The following ARFGEF1 variants were observed in gnomAD, a reference collection of about 807,000 sequenced individuals.
ARFGEF1 encodes the protein ARF guanine nucleotide exchange factor 1, also known as brefeldin A-inhibited guanine nucleotide-exchange protein 1.
Under a neutral mutation model 231.0 loss-of-function variants are expected in ARFGEF1, and 42 were observed. That is an observed-to-expected ratio of 0.18 (90% CI 0.14 to 0.24). The LOEUF (loss-of-function observed/expected upper bound fraction) is 0.24, where lower values mean the gene tolerates loss of function less well. Among genes scored for constraint, ARFGEF1 ranks in the 10% least tolerant of loss-of-function variants. The probability of loss-of-function intolerance (pLI) is 1.00; values close to 1 mark genes in which losing one functional copy is unlikely to be tolerated. For missense variants in ARFGEF1, 1,345 were observed against 2,192.0 expected, an observed-to-expected ratio of 0.61 and a Z score of 7.72; for synonymous variants, 710 against 732.3, an observed-to-expected ratio of 0.97 and a Z score of 0.49.
At chr8:67,214,209 ATATGAATGT>A in intron 33 of ARFGEF1, among the ~76,000 whole-genome samples, 1 of 152,346 alleles carries the variant, frequency 6.6e-6, no homozygotes, top group East Asian at 1.9e-4. Flanking sequence ...ATTGGTACAA[ATATGAATGT>A]TAAAAGGTGC....
chr8:67,288,488 C>A (rs1283452633), intron 6 of ARFGEF1, among the ~76,000 whole-genome samples: 1 of 152,090 alleles, frequency 6.6e-6, no homozygotes, highest in Admixed American at 6.5e-5. Context: ...ATTTCAGCAA[C>A]TTGGGAGGCC....
chr8:67,243,998 G>C (rs968604563), intron 19 of ARFGEF1, among the ~76,000 whole-genome samples: 8 of 151,726 alleles, frequency 5.3e-5, no homozygotes, highest in African/African-American at 1.9e-4. Flanking sequence ...CCAGCACTTT[G>C]GGAGGCCGAG....
In ARFGEF1 at chr8:67,343,661, G is replaced by A. The variant is rs1331619642; in HGVS notation, c.-374C>T. Reference sequence around the variant, plus strand: ...GGAACTGAGGGACGAGGTGGCGGCGGCTCTCAGAGGCACCGCGAGAGAAGG... The same window carrying A: ...GGAACTGAGGGACGAGGTGGCGGCGACTCTCAGAGGCACCGCGAGAGAAGG... On this transcript the variant is annotated 5_prime_UTR_variant, in exon 1 of 39. Coordinates refer to ENST00000262215, the MANE Select transcript of ARFGEF1 (RefSeq NM_006421.5). 7.2e-6 allele frequency: 7 copies of A among 975,656 alleles called. No individual in the cohort carries two copies. In the African/African-American group the frequency reaches 1.2e-4, roughly 17 times the overall value. 60.4% of individuals were successfully genotyped at this position (975,656 alleles called of 1,614,324 possible). A position where few individuals can be genotyped will look rare whatever the true frequency, so the allele number is the denominator to read the frequency against.
At chr8:67,321,399 C>T (rs1353669832) in intron 1 of ARFGEF1, among the ~76,000 whole-genome samples, 1 of 152,218 alleles carries the variant, frequency 6.6e-6, no homozygotes, top group Non-Finnish European at 1.5e-5. Context: ...TTTTAAGAAG[C>T]TCCACGGGTG....
At chr8:67,273,053 G>A (rs760339782) in intron 9 of ARFGEF1, among the ~76,000 whole-genome samples, 2 of 152,064 alleles carry the variant, frequency 1.3e-5, no homozygotes, top group African/African-American at 4.8e-5. Flanking sequence ...GTTGCAGTGA[G>A]CTGAGATTGC....
At chr8:67,210,432 T>C (rs995404682) in intron 34 of ARFGEF1, among the ~76,000 whole-genome samples, 1 of 145,972 alleles carries the variant, frequency 6.9e-6, no homozygotes, top group African/African-American at 2.5e-5. Context: ...TGAGCCGAGA[T>C]CACACTCCAG....
At chr8:67,306,179 G>A (rs1806735927) in intron 1 of ARFGEF1, among the ~76,000 whole-genome samples, 1 of 152,172 alleles carries the variant, frequency 6.6e-6, no homozygotes, top group Non-Finnish European at 1.5e-5. Flanking sequence ...TAAAATAAGA[G>A]TGACTTGAAC....
At chr8:67,263,296 C>A (rs1050593193) in intron 14 of ARFGEF1, among the ~76,000 whole-genome samples, 1 of 152,072 alleles carries the variant, frequency 6.6e-6, no homozygotes, top group Non-Finnish European at 1.5e-5. Flanking sequence ...GTCATTTGGG[C>A]TATTGCAAGA....
intron 23 of ARFGEF1, among the ~76,000 whole-genome samples, chr8:67,229,806 T>C (rs557767876): frequency 2.0e-5 from 3 of 151,672 alleles, no homozygotes; most frequent in Admixed American, 6.6e-5. Flanking sequence ...GTAAATAGTA[T>C]AGGAGAACAA....
chr8:67,302,360 C>A, intron 2 of ARFGEF1, 76 bp downstream of exon 2: 1 of 1,171,176 alleles, frequency 8.5e-7, no homozygotes, highest in Non-Finnish European at 1.2e-6. Context: ...CACTAAAATA[C>A]AGATGACTAT....
rs187351003 is a variant in ARFGEF1, at chr8:67,325,521, G to A, written c.124+17643C>T. ...TCCCAGTCCTACCATGTCCCATAAT[G>A]CCCCATGTTCCAAAATTAATCCATT... is the stretch of plus-strand genomic sequence containing the variant. On this transcript the variant is annotated intron_variant, in intron 1 of 38. Coordinates refer to ENST00000262215, the MANE Select transcript of ARFGEF1 (RefSeq NM_006421.5). Among the ~76,000 whole-genome samples, 592 of 152,044 alleles carry A rather than the reference G, an allele frequency of 3.9e-3. 7 individuals carry two copies. The highest frequency in any genetic ancestry group is 0.039 in the South Asian group (187 of 4,814).
At chr8:67,210,821 G>A (rs1211447266) in intron 34 of ARFGEF1, among the ~76,000 whole-genome samples, 1 of 152,120 alleles carries the variant, frequency 6.6e-6, no homozygotes, top group African/African-American at 2.4e-5. Flanking sequence ...TTGGGAGGCT[G>A]AGGCGGGCGG....
chr8:67,252,979 C>A (rs1840344733), intron 18 of ARFGEF1, among the ~76,000 whole-genome samples: 1 of 151,336 alleles, frequency 6.6e-6, no homozygotes, highest in Non-Finnish European at 1.5e-5. Flanking sequence ...TTGGGTCTAA[C>A]TACTCTTTAT....
At chr8:67,238,922 C>G in intron 20 of ARFGEF1, 29 bp from the exon 21 acceptor site, 1 of 1,599,124 alleles carries the variant, frequency 6.3e-7, no homozygotes, top group Non-Finnish European at 8.6e-7. Flanking sequence ...TATGTTTACA[C>G]AGTTCTAAAT....
At chr8:67,339,803 G>GGGGGGGGGGGGGGGGGGGGGGGTT (rs1808532411) in intron 1 of ARFGEF1, among the ~76,000 whole-genome samples, 1 of 65,906 alleles carries the variant, frequency 1.5e-5, no homozygotes, top group Non-Finnish European at 3.2e-5. Flanking sequence ...GGCGGGGGGG[G>GGGGGGGGGGGGGGGGGGGGGGGTT]GGATTCTTTC....
At chr8:67,279,792 AG>A (rs1487396840) in intron 7 of ARFGEF1, among the ~76,000 whole-genome samples, 1 of 152,204 alleles carries the variant, frequency 6.6e-6, no homozygotes, top group African/African-American at 2.4e-5. Context: ...CCAGTGTTTG[AG>A]GGAAGAGTAA....
At chr8:67,251,517 C>A in intron 18 of ARFGEF1, 67 bp from the exon 19 acceptor site, 2 of 1,373,336 alleles carry the variant, frequency 1.5e-6, no homozygotes, top group Non-Finnish European at 1.9e-6. Context: ...TGATATTTTA[C>A]TATCAAATAA....
At chr8:67,221,550 C>T (rs1007090688) in intron 29 of ARFGEF1, among the ~76,000 whole-genome samples, 18 of 152,016 alleles carry the variant, frequency 1.2e-4, no homozygotes, top group Non-Finnish European at 5.9e-5. Context: ...TATAGCTGTA[C>T]AATGTGTTTT....
chr8:67,312,343 T>C (rs1208504114), intron 1 of ARFGEF1, among the ~76,000 whole-genome samples: 1 of 150,496 alleles, frequency 6.6e-6, no homozygotes, highest in Non-Finnish European at 1.5e-5. Flanking sequence ...ATAATATCGA[T>C]AGAAGAAAAA....
Sources: allele counts gnomAD v4.1 joint callset (sites outside exome capture counted in the v4.1 genomes callset), GRCh38; gene constraint gnomAD v4.1.1; transcripts MANE v1.5; gene names NCBI Gene and HGNC (gene_info 2026-07-23, HGNC 2026-07-21).